FRMD4B: variants seen among roughly 807,000 people sequenced by gnomAD.
The protein encoded by FRMD4B is FERM domain-containing protein 4B.
Under a neutral mutation model 141.5 loss-of-function variants are expected in FRMD4B, and 74 were observed. The ratio of observed to expected loss-of-function variants is 0.52; its 90% CI spans 0.43 to 0.63. FRMD4B has a LOEUF of 0.63. Ranked by LOEUF, FRMD4B falls within the 30% of genes least tolerant of loss-of-function variation. The probability of loss-of-function intolerance (pLI) is 0.00; values close to 1 mark genes in which losing one functional copy is unlikely to be tolerated. For missense variants in FRMD4B, 1,366 were observed against 1,253.4 expected (o/e 1.09, Z -1.36); for synonymous variants, 506 against 467.9 (o/e 1.08, Z -1.05).
chr3:69,479,977 C>T (rs920043281), intron 1 of FRMD4B, among the ~76,000 whole-genome samples: 8 of 152,194 alleles, frequency 5.3e-5, no homozygotes, highest in Non-Finnish European at 1.0e-4. Context: ...TCACTGATAC[C>T]CTTTCTTCCA....
At chr3:69,409,561 A>C (rs1300971433) in intron 2 of FRMD4B, among the ~76,000 whole-genome samples, 1 of 152,210 alleles carries the variant, frequency 6.6e-6, no homozygotes, top group East Asian at 1.9e-4. Flanking sequence ...GCTGAGAAAA[A>C]TCTCGATTTT....
chr3:69,375,638 A>C (rs573807994), intron 1 of FRMD4B, among the ~76,000 whole-genome samples: 33 of 127,160 alleles, frequency 2.6e-4, no homozygotes, highest in African/African-American at 9.6e-4. Context: ...ACAAATGAAA[A>C]AATTGTATCT....
rs542656468 is a variant in FRMD4B, at chr3:69,223,201, T to C, written c.666-1278A>G. On this transcript the variant is annotated intron_variant, in intron 8 of 22. Transcript: ENST00000398540. The stretch of plus-strand genomic sequence containing the variant: ...TCTCCATATGACTAGTTCTCATTAG[T>C]AATGTCTTTTTTTTTAATTAAAAAA... Among the ~76,000 whole-genome samples the C allele has an allele frequency of 2.0e-5, 3 of 152,260 alleles. No homozygotes were observed. In the South Asian group the frequency reaches 6.2e-4, roughly 32 times the overall value.
intron 11 of FRMD4B, among the ~76,000 whole-genome samples, chr3:69,216,021 G>A (rs985386349): frequency 6.6e-6 from 1 of 152,138 alleles, no homozygotes; most frequent in Non-Finnish European, 1.5e-5. Context: ...GGGTGTGGTG[G>A]CGTGTGCCTG....
intron 1 of FRMD4B, chr3:69,321,033 A>C (rs1011779852): frequency 6.6e-6 from 1 of 152,322 alleles, no homozygotes; most frequent in Non-Finnish European, 1.5e-5. Flanking sequence ...ATTGGCTATA[A>C]GCCAGACCTC....
chr3:69,180,333 T>C (rs2092692588), intron 21 of FRMD4B, among the ~76,000 whole-genome samples: 1 of 151,742 alleles, frequency 6.6e-6, no homozygotes, highest in Non-Finnish European at 1.5e-5. Flanking sequence ...ACGAGCCTTA[T>C]GCAGGCACTT....
At chr3:69,304,406 G>A (rs1701320037) in intron 3 of FRMD4B, among the ~76,000 whole-genome samples, 1 of 147,484 alleles carries the variant, frequency 6.8e-6, no homozygotes, top group African/African-American at 2.5e-5. Flanking sequence ...ATCACTTGAA[G>A]CCAGAAGGCG....
chr3:69,484,981 G>C (rs7355895), intron 1 of FRMD4B, among the ~76,000 whole-genome samples: 3,031 of 152,060 alleles, frequency 0.02, 96 homozygotes, highest in African/African-American at 0.067. Flanking sequence ...GCTTCTCTGG[G>C]CCCCCCCACC....
At chr3:69,415,485 C>A (rs1324236240) in intron 2 of FRMD4B, among the ~76,000 whole-genome samples, 3 of 152,082 alleles carry the variant, frequency 2.0e-5, no homozygotes, top group Admixed American at 2.0e-4. Context: ...CCCTCTAACA[C>A]ACTACAATAT....
chr3:69,308,582 T>C (rs1474185856), intron 3 of FRMD4B, among the ~76,000 whole-genome samples: 1 of 151,818 alleles, frequency 6.6e-6, no homozygotes, highest in Non-Finnish European at 1.5e-5. Context: ...GGACTACAGG[T>C]GTGCACCATC....
intron 11 of FRMD4B, among the ~76,000 whole-genome samples, chr3:69,201,267 G>C (rs984582292): frequency 2.6e-5 from 4 of 151,612 alleles, no homozygotes; most frequent in African/African-American, 9.7e-5. Context: ...TTACTTCTGG[G>C]GGCAGATGGT....
At chr3:69,380,204 G>A (rs1420110521) in intron 1 of FRMD4B, among the ~76,000 whole-genome samples, 3 of 152,204 alleles carry the variant, frequency 2.0e-5, no homozygotes, top group Non-Finnish European at 4.4e-5. Flanking sequence ...TTAGCTAAAA[G>A]AGCATGTGCT....
At chr3:69,201,427 C>T (rs1305396320) in intron 11 of FRMD4B, among the ~76,000 whole-genome samples, 1 of 151,928 alleles carries the variant, frequency 6.6e-6, no homozygotes, top group Non-Finnish European at 1.5e-5. Flanking sequence ...TGGAATTTCT[C>T]AAAATTAAAG....
chr3:69,267,313 A>T (rs1266024458), intron 5 of FRMD4B, among the ~76,000 whole-genome samples: 1 of 152,100 alleles, frequency 6.6e-6, no homozygotes, highest in Non-Finnish European at 1.5e-5. Context: ...ATTATAAAGG[A>T]GACTTTAGAG....
At chr3:69,172,018 C>T in intron 22 of FRMD4B, 37 bp from the exon 23 acceptor site, 2 of 1,606,890 alleles carry the variant, frequency 1.2e-6, no homozygotes, top group South Asian at 2.2e-5. Flanking sequence ...TACTTGTGGC[C>T]ATATTTTTGT....
upstream of FRMD4B, among the ~76,000 whole-genome samples, chr3:69,390,321 T>C (rs112325369): frequency 0.17 from 26,363 of 152,112 alleles, 2,957 homozygotes; most frequent in Non-Finnish European, 0.25. Context: ...TGACAGATCA[T>C]GGACGTCCAA....
In FRMD4B at chr3:69,262,655, C is replaced by G. The variant is rs373990726; in HGVS notation, c.502-12556G>C. Among the ~76,000 whole-genome samples, 166 of 151,122 alleles carry G rather than the reference C, an allele frequency of 1.1e-3. 7 individuals carry two copies. In the East Asian group the frequency reaches 0.022, roughly 20 times the overall value. On this transcript the variant is annotated intron_variant, in intron 5 of 22. Transcript: ENST00000398540. ...TGTATTTTTAGTAGAGCTGGGGTGT[C>G]TCCATGTTGGTCAGGCTGTTCTTGA...
chr3:69,188,489 G>A (rs1369487973), intron 18 of FRMD4B, among the ~76,000 whole-genome samples: 1 of 152,154 alleles, frequency 6.6e-6, no homozygotes. Context: ...ATAAAACTTG[G>A]GGAAGAGCCT....
chr3:69,265,269 AATATATATATATATATATATATATATAT>A (rs1175250592), intron 5 of FRMD4B, among the ~76,000 whole-genome samples: 1 of 23,430 alleles, frequency 4.3e-5, no homozygotes, highest in African/African-American at 1.7e-4. Flanking sequence ...AAAAAAAAAA[AATATATATATATATATATATATATATAT>A]ATATATATAT....
Sources: allele counts gnomAD v4.1 joint callset (sites outside exome capture counted in the v4.1 genomes callset), GRCh38; gene constraint gnomAD v4.1.1; transcripts MANE v1.5; gene names NCBI Gene and HGNC (gene_info 2026-07-23, HGNC 2026-07-21).